RIF1: variants seen among roughly 807,000 people sequenced by gnomAD.
The protein encoded by RIF1 is replication timing regulatory factor 1.
RIF1 carries 45 observed loss-of-function variants against 247.1 expected under a neutral mutation model. That is an observed-to-expected ratio of 0.18 (90% CI 0.14 to 0.23). The LOEUF (loss-of-function observed/expected upper bound fraction) is 0.23, where lower values mean the gene tolerates loss of function less well. Among genes scored for constraint, RIF1 ranks in the 10% least tolerant of loss-of-function variants. The pLI is 1.00. For synonymous variants in RIF1, 1,087 were observed against 978.8 expected, an observed-to-expected ratio of 1.11 and a Z score of -2.06; for missense variants, 2,967 against 2,862.5, an observed-to-expected ratio of 1.04 and a Z score of -0.83.
downstream of RIF1, among the ~76,000 whole-genome samples, chr2:151,482,387 G>C (rs1390339716): frequency 2.0e-5 from 3 of 152,092 alleles, no homozygotes; most frequent in African/African-American, 2.4e-5. Flanking sequence ...GGGTTCCACT[G>C]GTTTCTAAAT....
intron 12 of RIF1, chr2:151,503,233 A>G (rs1490293259): frequency 3.9e-6 from 3 of 759,862 alleles, no homozygotes; most frequent in East Asian, 5.3e-5. Flanking sequence ...ATAATACACA[A>G]CACACACAGA....
At chr2:151,429,021 T>G in intron 9 of RIF1, 99 bp downstream of exon 9, 1 of 707,256 alleles carries the variant, frequency 1.4e-6, no homozygotes, top group Non-Finnish European at 2.3e-6. Context: ...AAGTTGAAGT[T>G]AAGTAACTAC....
chr2:151,451,824 C>A, intron 21 of RIF1, 119 bp downstream of exon 21: 1 of 603,166 alleles, frequency 1.7e-6, no homozygotes, highest in South Asian at 1.9e-5. Flanking sequence ...TCTTGTTTAA[C>A]CATGTTAGTT....
In RIF1 at chr2:151,479,400, G is replaced by T. The variant is rs942503223; in HGVS notation, c.*4329G>T. On this transcript the variant is annotated 3_prime_UTR_variant, in exon 36 of 36. Coordinates refer to ENST00000444746, the MANE Select transcript of RIF1 (RefSeq NM_018151.5). Reference sequence around the variant, plus strand: ...ACAAAGTATTTTCTCATGAGTATTTGTGGGTTATGTTTTTGTTAATATAAA... The same window carrying T: ...ACAAAGTATTTTCTCATGAGTATTTTTGGGTTATGTTTTTGTTAATATAAA... 4 of 152,112 alleles carry T rather than the reference G, an allele frequency of 2.6e-5. No individual in the cohort carries two copies. The highest frequency in any genetic ancestry group is 9.7e-5 in the African/African-American group (4 of 41,418). 9.4% of individuals were successfully genotyped at this position (152,112 alleles called of 1,614,324 possible). A position where few individuals can be genotyped will look rare whatever the true frequency, so the allele number is the denominator to read the frequency against.
the RIF1 span, among the ~76,000 whole-genome samples, chr2:151,515,430 C>T: frequency 2.0e-5 from 3 of 152,124 alleles, no homozygotes; most frequent in Admixed American, 6.5e-5. Flanking sequence ...CCAGGCTGGT[C>T]TCAAACTCCT....
chr2:151,446,018 T>A (rs564762199), intron 19 of RIF1, among the ~76,000 whole-genome samples: 1 of 152,168 alleles, frequency 6.6e-6, no homozygotes, highest in Non-Finnish European at 1.5e-5. Context: ...TAGTCTCTTT[T>A]TTATTTTGAG....
At chr2:151,530,683 T>C in the RIF1 span, 4 of 237,790 alleles carry the variant, frequency 1.7e-5, no homozygotes, top group Non-Finnish European at 3.2e-5. Context: ...CATGAAGGGG[T>C]TCCTGTCTCG....
chr2:151,530,137 A>T, the RIF1 span, among the ~76,000 whole-genome samples: 1 of 152,246 alleles, frequency 6.6e-6, no homozygotes, highest in Admixed American at 6.5e-5. Flanking sequence ...AGTGTCAGGC[A>T]CATAGACAAT....
the RIF1 span, chr2:151,524,448 T>A: frequency 1.9e-6 from 3 of 1,609,162 alleles, no homozygotes; most frequent in Non-Finnish European, 2.6e-6. Flanking sequence ...GGGCAACAGG[T>A]GATGGTTGCC....
intron 16 of RIF1, among the ~76,000 whole-genome samples, chr2:151,442,274 A>G (rs1402388412): frequency 6.6e-6 from 1 of 150,778 alleles, no homozygotes; most frequent in Non-Finnish European, 1.5e-5. Context: ...GGGTTTCTCC[A>G]TGTTGGTCAG....
chr2:151,498,436 G>C, intron 10 of RIF1: 1 of 920,414 alleles, frequency 1.1e-6, no homozygotes, highest in Non-Finnish European at 1.7e-6. Flanking sequence ...GGAGTGGGAA[G>C]GGAGGAAGAG....
intron 12 of RIF1, among the ~76,000 whole-genome samples, chr2:151,503,843 T>C (rs553396871): frequency 6.6e-6 from 1 of 152,310 alleles, no homozygotes; most frequent in African/African-American, 2.4e-5. Flanking sequence ...ACTCTATTCC[T>C]TCAGGCTTAT....
At chr2:151,514,362 G>T in the RIF1 span, 26 of 1,613,682 alleles carry the variant, frequency 1.6e-5, no homozygotes, top group Admixed American at 3.3e-5. Context: ...AGCATGTCAG[G>T]TGTATCTTCC....
chr2:151,505,651 A>C, intron 12 of RIF1: 1 of 1,198,136 alleles, frequency 8.3e-7, no homozygotes. Flanking sequence ...TGTTTTTTGT[A>C]GCCCCCAAAT....
At chr2:151,471,796 G>C (rs1388956780) in intron 34 of RIF1, among the ~76,000 whole-genome samples, 1 of 152,148 alleles carries the variant, frequency 6.6e-6, no homozygotes, top group African/African-American at 2.4e-5. Flanking sequence ...TTTGAAGTCA[G>C]GTAGCATGAT....
intron 10 of RIF1, chr2:151,498,201 T>TAAAG (rs771048639): frequency 3.2e-6 from 5 of 1,548,972 alleles, no homozygotes; most frequent in African/African-American, 2.7e-5. Context: ...TAAATAAATG[T>TAAAG]AAAGATCAGT....
At chr2:151,437,081 A>G in intron 12 of RIF1, 78 bp downstream of exon 12, 2 of 1,343,326 alleles carry the variant, frequency 1.5e-6, no homozygotes, top group East Asian at 2.4e-5. Flanking sequence ...GAGAGGTGTT[A>G]TTTTGTCGCA....
chr2:151,502,350 T>C (rs140959933), intron 11 of RIF1, among the ~76,000 whole-genome samples: 34 of 150,514 alleles, frequency 2.3e-4, no homozygotes, highest in African/African-American at 8.1e-4. Context: ...CACCTGTACC[T>C]CCCAAACTTA....
chr2:151,501,730 T>C (rs1219528419), intron 11 of RIF1, among the ~76,000 whole-genome samples: 2 of 152,148 alleles, frequency 1.3e-5, no homozygotes, highest in African/African-American at 2.4e-5. Context: ...GCTTGACTTA[T>C]GTAGGCCTTC....
Sources: gnomAD v4.1 joint callset for allele counts (sites outside exome capture counted in the v4.1 genomes callset) on GRCh38, gnomAD v4.1.1 for gene constraint, MANE v1.5 for transcripts, NCBI Gene and HGNC (gene_info 2026-07-23, HGNC 2026-07-21) for gene names.